The following TESK2 variants were observed in gnomAD, a reference collection of about 807,000 sequenced individuals.
TESK2 encodes the protein dual specificity testis-specific protein kinase 2.
In TESK2, 39 loss-of-function variants were observed where a neutral mutation model predicts 57.1. The ratio of observed to expected loss-of-function variants is 0.68; its 90% CI spans 0.53 to 0.89. The LOEUF (loss-of-function observed/expected upper bound fraction) is 0.89, where lower values mean the gene tolerates loss of function less well. Among genes scored for constraint, TESK2 ranks in the 40% least tolerant of loss-of-function variants. The pLI, the probability that TESK2 is intolerant of heterozygous loss-of-function variation, is 0.00. For missense variants in TESK2, 646 were observed against 732.1 expected, an observed-to-expected ratio of 0.88 and a Z score of 1.36; for synonymous variants, 249 against 267.9, an observed-to-expected ratio of 0.93 and a Z score of 0.69.
intron 1 of TESK2, among the ~76,000 whole-genome samples, chr1:45,468,175 CAA>C (rs34081885): frequency 2.7e-4 from 31 of 114,068 alleles, no homozygotes; most frequent in East Asian, 7.7e-4. Context: ...ACGTCTGTCT[CAA>C]AAAAAAAAAA....
intron 2 of TESK2, among the ~76,000 whole-genome samples, chr1:45,454,429 T>A (rs1651991655): frequency 6.6e-6 from 1 of 151,734 alleles, no homozygotes; most frequent in African/African-American, 2.4e-5. Context: ...TTTTTTATTT[T>A]TTTATTATTT....
At chr1:45,477,724 AATG>A (rs2149306621) in intron 1 of TESK2, among the ~76,000 whole-genome samples, 1 of 152,336 alleles carries the variant, frequency 6.6e-6, no homozygotes, top group East Asian at 1.9e-4. Flanking sequence ...AAAAATCTTC[AATG>A]ATATCTGTTG....
rs187870337 is a variant in TESK2, at chr1:45,388,869, C to T, written c.345-2909G>A. Among the ~76,000 whole-genome samples the T allele has an allele frequency of 2.8e-3, 425 of 151,966 alleles. 1 individual carries two copies. The highest frequency in any genetic ancestry group is 4.3e-3 in the Admixed American group (65 of 15,252). ...CCAAGTAGCTGGGACTACAGGCGCC[C>T]GCCACCACGCCCGGCTAATTTTTTG... On this transcript the variant is annotated intron_variant, in intron 3 of 10. Transcript: ENST00000372086.
intron 1 of TESK2, among the ~76,000 whole-genome samples, chr1:45,468,340 T>C (rs1256241780): frequency 6.6e-6 from 1 of 152,106 alleles, no homozygotes; most frequent in Admixed American, 6.6e-5. Flanking sequence ...TTTAGAGAAG[T>C]GCTGAGCAAG....
At chr1:45,432,754 A>G (rs1489824083) in intron 2 of TESK2, among the ~76,000 whole-genome samples, 1 of 132,646 alleles carries the variant, frequency 7.5e-6, no homozygotes, top group Non-Finnish European at 1.6e-5. Flanking sequence ...ATTGAATATT[A>G]TAACTTTTTT....
At chr1:45,356,946 C>G (rs528161816) in intron 4 of TESK2, among the ~76,000 whole-genome samples, 1 of 152,058 alleles carries the variant, frequency 6.6e-6, no homozygotes, top group African/African-American at 2.4e-5. Context: ...GTAATCCTAG[C>G]ACTTTGGGAG....
intron 4 of TESK2, among the ~76,000 whole-genome samples, chr1:45,374,492 T>C (rs1044136382): frequency 1.3e-5 from 2 of 152,280 alleles, no homozygotes; most frequent in African/African-American, 4.8e-5. Context: ...TGCATGCTAA[T>C]TAAATAATAT....
intron 2 of TESK2, among the ~76,000 whole-genome samples, chr1:45,428,932 C>G (rs1650831617): frequency 6.9e-6 from 1 of 145,842 alleles, no homozygotes; most frequent in Non-Finnish European, 1.5e-5. Context: ...CGCCATTCTC[C>G]TGCCTCAGCC....
In TESK2 at chr1:45,402,659, T is replaced by C. The variant is rs370263902; in HGVS notation, c.345-16699A>G. The stretch of plus-strand genomic sequence containing the variant: ...CACCACACCAAGCTAATTTTGTATT[T>C]TTAGTAGAGATGGGGTTTCTCCATG... On this transcript the variant is annotated intron_variant, in intron 3 of 10. Transcript: ENST00000372086. Among the ~76,000 whole-genome samples the C allele has an allele frequency of 3.4e-4, 51 of 151,976 alleles. No homozygotes were observed. In the East Asian group the frequency reaches 9.5e-3, roughly 28 times the overall value.
chr1:45,420,229 T>C (rs1471953021), intron 3 of TESK2, among the ~76,000 whole-genome samples: 2 of 151,968 alleles, frequency 1.3e-5, no homozygotes, highest in African/African-American at 4.8e-5. Flanking sequence ...TTAAGAAAAA[T>C]TTTTTTTAAC....
chr1:45,368,168 G>A (rs1648019543), intron 4 of TESK2, among the ~76,000 whole-genome samples: 1 of 138,698 alleles, frequency 7.2e-6, no homozygotes, highest in African/African-American at 2.7e-5. Context: ...CTAATTTTTT[G>A]TATATTTAAT....
chr1:45,422,590 T>A (rs1265974783), intron 2 of TESK2, among the ~76,000 whole-genome samples: 1 of 150,850 alleles, frequency 6.6e-6, no homozygotes, highest in Admixed American at 6.6e-5. Context: ...ATTACAGGCA[T>A]GTGCCAACAC....
intron 3 of TESK2, among the ~76,000 whole-genome samples, chr1:45,403,245 A>T (rs563013882): frequency 6.6e-6 from 1 of 151,738 alleles, no homozygotes; most frequent in Non-Finnish European, 1.5e-5. Context: ...AAAAAAAAAA[A>T]AAAGAAAGAA....
intron 2 of TESK2, among the ~76,000 whole-genome samples, chr1:45,426,372 C>T (rs1084167): frequency 0.97 from 148,305 of 152,276 alleles, 72,352 homozygotes; most frequent in East Asian, 1. Context: ...GTCTCTTCAA[C>T]AAATAGTGCT....
intron 3 of TESK2, among the ~76,000 whole-genome samples, chr1:45,401,333 A>G (rs1281447505): frequency 1.3e-5 from 2 of 151,560 alleles, no homozygotes; most frequent in Non-Finnish European, 2.9e-5. Context: ...GGAGGCGGAG[A>G]TTGCAGTGAG....
intron 2 of TESK2, among the ~76,000 whole-genome samples, chr1:45,444,231 G>A (rs1270499975): frequency 6.7e-6 from 1 of 149,216 alleles, no homozygotes; most frequent in Non-Finnish European, 1.5e-5. Context: ...CAAAGTACTC[G>A]ATGAGTACAG....
At chr1:45,485,252 G>T (rs577448600) in intron 1 of TESK2, among the ~76,000 whole-genome samples, 53 of 149,706 alleles carry the variant, frequency 3.5e-4, no homozygotes, top group Admixed American at 2.6e-3. Flanking sequence ...GCAGTGGCGC[G>T]ATCTCGGCTC....
At chr1:45,421,255 CA>C (rs1207110028) in intron 3 of TESK2, among the ~76,000 whole-genome samples, 1 of 151,922 alleles carries the variant, frequency 6.6e-6, no homozygotes, top group Non-Finnish European at 1.5e-5. Context: ...GACCCTATCT[CA>C]AAAAAATAAC....
intron 4 of TESK2, among the ~76,000 whole-genome samples, chr1:45,377,602 A>G (rs892132414): frequency 2.0e-5 from 3 of 151,202 alleles, no homozygotes; most frequent in Admixed American, 2.0e-4. Flanking sequence ...TATTTTTAGT[A>G]GAGACAGGGT....
Sources: allele counts gnomAD v4.1 joint callset (sites outside exome capture counted in the v4.1 genomes callset), GRCh38; gene constraint gnomAD v4.1.1; transcripts MANE v1.5; gene names NCBI Gene and HGNC (gene_info 2026-07-23, HGNC 2026-07-21).